MEI4: variants seen among roughly 807,000 people sequenced by gnomAD.
The protein encoded by MEI4 is meiotic double-stranded break formation protein 4.
Under a neutral mutation model 31.4 loss-of-function variants are expected in MEI4, and 27 were observed. That is an observed-to-expected ratio of 0.86 (90% CI 0.63 to 1.19). MEI4 has a LOEUF of 1.19. MEI4 is among the 50% of genes most tolerant of loss of function. The probability of loss-of-function intolerance (pLI) is 0.00; values close to 1 mark genes in which losing one functional copy is unlikely to be tolerated. For synonymous variants in MEI4, 122 were observed against 145.4 expected (o/e 0.84, Z 1.16); for missense variants, 329 against 398.9 (o/e 0.82, Z 1.49).
chr6:77,774,756 T>C (rs1190623603), intron 3 of MEI4, among the ~76,000 whole-genome samples: 1 of 151,994 alleles, frequency 6.6e-6, no homozygotes, highest in African/African-American at 2.4e-5. Flanking sequence ...AGCTCTCTAC[T>C]CTTTACTCAT....
intron 3 of MEI4, among the ~76,000 whole-genome samples, chr6:77,794,431 T>G (rs922692597): frequency 6.6e-6 from 1 of 151,784 alleles, no homozygotes; most frequent in Admixed American, 6.6e-5. Flanking sequence ...GGTGTGGTGG[T>G]GGGTGCCTGT....
intron 1 of MEI4, among the ~76,000 whole-genome samples, chr6:77,663,044 T>C (rs867536443): frequency 1.2e-3 from 188 of 151,770 alleles, no homozygotes; most frequent in African/African-American, 3.9e-3. Flanking sequence ...GTTTGAGATC[T>C]AGAACAGAAT....
At chr6:77,906,210 G>A (rs895151812) in intron 4 of MEI4, among the ~76,000 whole-genome samples, 12 of 151,976 alleles carry the variant, frequency 7.9e-5, no homozygotes, top group African/African-American at 1.5e-4. Flanking sequence ...CTAAATTATC[G>A]TGGTCTTTGT....
At chr6:77,777,137 A>C (rs1208487465) in intron 3 of MEI4, among the ~76,000 whole-genome samples, 1 of 152,176 alleles carries the variant, frequency 6.6e-6, no homozygotes, top group Non-Finnish European at 1.5e-5. Context: ...ATAGTAAAGA[A>C]CTTTTTTAAA....
intron 4 of MEI4, among the ~76,000 whole-genome samples, chr6:77,912,661 C>T (rs958693371): frequency 6.6e-6 from 1 of 151,910 alleles, no homozygotes; most frequent in Non-Finnish European, 1.5e-5. Context: ...TATATTGTTT[C>T]AGTTTTCTCC....
At chr6:77,802,394 A>AT (rs1158739484) in intron 3 of MEI4, among the ~76,000 whole-genome samples, 2 of 152,164 alleles carry the variant, frequency 1.3e-5, no homozygotes, top group Non-Finnish European at 2.9e-5. Flanking sequence ...TCCTGAATAC[A>AT]TCACACTAAT....
intron 3 of MEI4, among the ~76,000 whole-genome samples, chr6:77,821,799 C>CAAAAAAAA (rs34905460): frequency 2.1e-5 from 2 of 93,066 alleles, no homozygotes; most frequent in South Asian, 4.0e-4. Context: ...GCCATCTCTC[C>CAAAAAAAA]AAAAAAAAAA....
intron 3 of MEI4, among the ~76,000 whole-genome samples, chr6:77,787,503 A>G (rs1011215764): frequency 1.1e-4 from 16 of 152,138 alleles, no homozygotes; most frequent in Non-Finnish European, 1.9e-4. Context: ...CTCCAACACC[A>G]CTAGAGTGCA....
intron 1 of MEI4, among the ~76,000 whole-genome samples, chr6:77,673,686 A>G (rs971815839): frequency 5.3e-5 from 8 of 152,216 alleles, no homozygotes; most frequent in African/African-American, 1.9e-4. Flanking sequence ...TACTCCAACA[A>G]GAGTTAAGAG....
At chr6:77,744,156 C>A (rs1305441956) in intron 2 of MEI4, among the ~76,000 whole-genome samples, 4 of 152,008 alleles carry the variant, frequency 2.6e-5, no homozygotes, top group African/African-American at 7.3e-5. Flanking sequence ...AGGCTTCAGA[C>A]GATCAAACTA....
At chr6:77,862,956 GGCAAACAGGGTCTGGAGTGGACCTCCA>G (rs1770906048) in intron 4 of MEI4, among the ~76,000 whole-genome samples, 1 of 152,170 alleles carries the variant, frequency 6.6e-6, no homozygotes, top group African/African-American at 2.4e-5. Context: ...CTGATACCCA[GGCAAACAGGGTCTGGAGTGGACCTCCA>G]GCAAACTCCA....
At chr6:77,700,632 G>T (rs1470063604) in intron 2 of MEI4, among the ~76,000 whole-genome samples, 3 of 152,186 alleles carry the variant, frequency 2.0e-5, no homozygotes, top group Non-Finnish European at 4.4e-5. Context: ...TCCCTAGTGG[G>T]ATGAACCTGG....
chr6:77,909,699 C>T (rs936805439), intron 4 of MEI4, among the ~76,000 whole-genome samples: 12 of 152,296 alleles, frequency 7.9e-5, no homozygotes, highest in Admixed American at 5.9e-4. Flanking sequence ...TCCTCCCTAA[C>T]TCATTTCATG....
rs1355338481 is a variant in MEI4 at position 77,924,004 on chromosome 6, TGTTA to T, written c.*659_*662del. 5 of 151,686 alleles carry T rather than the reference TGTTA, an allele frequency of 3.3e-5. No homozygotes were observed. The East Asian group carries it at 9.7e-4, about 29-fold the overall frequency. The allele number at this position is 151,686 out of a possible 1,614,324, so 9.4% of individuals were successfully genotyped here. A position where few individuals can be genotyped will look rare whatever the true frequency, so the allele number is the denominator to read the frequency against. On this transcript the variant is annotated 3_prime_UTR_variant, in exon 5 of 5. Transcript: ENST00000684080. ...TTTCAACAAATACTTGTTTCAATTC[TGTTA>T]ATTAAATATGTTATAATAGTCTTGT...
rs761733415 is a variant in MEI4 at position 77,818,626 on chromosome 6, CTG to C, written c.769-10301_769-10300del. Among the ~76,000 whole-genome samples the C allele has an allele frequency of 1.2e-3, 185 of 152,078 alleles. 1 individual carries two copies. The highest frequency in any genetic ancestry group is 4.3e-4 in the African/African-American group (18 of 41,500). On this transcript the variant is annotated intron_variant, in intron 3 of 4. Coordinates refer to ENST00000684080, the MANE Select transcript of MEI4 (RefSeq NM_001322247.2). ...TTTTCTATATTATATTGTAAGTATTCTGTGTTATTATATAATTTTAATGTTGT... is the reference window on the plus strand; with the variant it reads ...TTTTCTATATTATATTGTAAGTATTCTGTTATTATATAATTTTAATGTTGT...
intron 4 of MEI4, among the ~76,000 whole-genome samples, chr6:77,868,502 C>CAT (rs58946198): frequency 0.077 from 6,904 of 90,008 alleles, 740 homozygotes; most frequent in South Asian, 0.18. Flanking sequence ...AAAAATACTA[C>CAT]ATATATATAT....
intron 4 of MEI4, among the ~76,000 whole-genome samples, chr6:77,853,113 G>A (rs1471088390): frequency 2.6e-5 from 4 of 152,050 alleles, no homozygotes; most frequent in Non-Finnish European, 4.4e-5. Flanking sequence ...CAGGAGAATC[G>A]CTTCAACCCG....
chr6:77,911,674 C>A (rs1423388379), intron 4 of MEI4, among the ~76,000 whole-genome samples: 2 of 149,412 alleles, frequency 1.3e-5, no homozygotes, highest in East Asian at 1.9e-4. Context: ...CAATAGTATT[C>A]CATGATATAT....
chr6:77,721,738 A>AT (rs1237254755), intron 2 of MEI4, among the ~76,000 whole-genome samples: 1 of 70,678 alleles, frequency 1.4e-5, no homozygotes, highest in Non-Finnish European at 2.8e-5. Context: ...TCTTATTTCT[A>AT]TTTTTTGTGG....
Sources: gnomAD v4.1 joint callset for allele counts (sites outside exome capture counted in the v4.1 genomes callset) on GRCh38, gnomAD v4.1.1 for gene constraint, MANE v1.5 for transcripts, NCBI Gene and HGNC (gene_info 2026-07-23, HGNC 2026-07-21) for gene names.